Variants in GRIA4 observed in about 807,000 individuals in gnomAD.
The protein encoded by GRIA4 is glutamate receptor 4.
GRIA4 carries 34 observed loss-of-function variants against 104.0 expected under a neutral mutation model. The ratio of observed to expected loss-of-function variants is 0.33; its 90% confidence interval spans 0.25 to 0.44. The LOEUF is 0.44. GRIA4 is among the 20% of genes least tolerant of loss of function. The pLI is 1.00. For synonymous variants in GRIA4, 386 were observed against 381.9 expected, an observed-to-expected ratio of 1.01 and a Z score of -0.13; for missense variants, 750 against 1,096.5, an observed-to-expected ratio of 0.68 and a Z score of 4.46.
At chr11:105,957,020 G>T (rs1948607415) in intron 14 of GRIA4, among the ~76,000 whole-genome samples, 1 of 152,162 alleles carries the variant, frequency 6.6e-6, no homozygotes. Flanking sequence ...CCCTTTGTCA[G>T]ATGGGTAGAT....
At chr11:105,691,229 T>C (rs774780019) in intron 3 of GRIA4, among the ~76,000 whole-genome samples, 6 of 152,286 alleles carry the variant, frequency 3.9e-5, no homozygotes, top group African/African-American at 9.6e-5. Context: ...TATACTTCCA[T>C]AGGTAACAAC....
chr11:105,872,966 G>A (rs1383074480), intron 5 of GRIA4, among the ~76,000 whole-genome samples: 1 of 151,954 alleles, frequency 6.6e-6, no homozygotes, highest in Non-Finnish European at 1.5e-5. Context: ...GGATACATGT[G>A]CAGAATGTGC....
chr11:105,904,144 G>C (rs1270756502), intron 8 of GRIA4, among the ~76,000 whole-genome samples, 163 bp downstream of exon 8: 2 of 152,172 alleles, frequency 1.3e-5, no homozygotes, highest in African/African-American at 4.8e-5. Context: ...ATACAAGGTA[G>C]AATCTTGCTG....
chr11:105,628,086 T>TACACAC (rs569118742), intron 3 of GRIA4, among the ~76,000 whole-genome samples: 7 of 151,562 alleles, frequency 4.6e-5, no homozygotes, highest in African/African-American at 1.7e-4. Context: ...TGTGTATGTG[T>TACACAC]ACACACACAC....
At chr11:105,958,825 C>T (rs561086326) in intron 14 of GRIA4, among the ~76,000 whole-genome samples, 2 of 152,266 alleles carry the variant, frequency 1.3e-5, no homozygotes, top group African/African-American at 2.4e-5. Context: ...AATCCCTCAG[C>T]ATTTGCTTGT....
At chr11:105,937,749 A>T (rs1948081959) in intron 14 of GRIA4, among the ~76,000 whole-genome samples, 1 of 152,166 alleles carries the variant, frequency 6.6e-6, no homozygotes, top group South Asian at 2.1e-4. Flanking sequence ...AAGTAAAACA[A>T]ATGTTCTGTC....
intron 3 of GRIA4, among the ~76,000 whole-genome samples, chr11:105,699,306 T>G (rs1481853575): frequency 6.6e-6 from 1 of 152,154 alleles, no homozygotes; most frequent in Admixed American, 6.6e-5. Flanking sequence ...TTATTTGATT[T>G]CAAATATAAC....
rs1946306680 is a variant in GRIA4 at position 105,887,520 on chromosome 11, T to C, written c.674T>C (p.Ile225Thr). 3.0e-6 allele frequency: 4 copies of C among 1,351,902 alleles called. No individual in the cohort carries two copies. Among genetic ancestry groups the C allele is most frequent in the East Asian group, 4.8e-5 (2 of 41,908 alleles). The allele number at this position is 1,351,902 out of a possible 1,614,324, so 83.7% of individuals were successfully genotyped here. A position where few individuals can be genotyped will look rare whatever the true frequency, so the allele number is the denominator to read the frequency against. ...IERLQNILEQIVSVGKHVKGY... is the reference protein window; with the variant it reads ...IERLQNILEQTVSVGKHVKGY... ...TCTTATTTGCTTATATCTTCACAGA[T>C]TGTAAGTGTTGGAAAGCATGTTAAA... The change falls in exon 6 of 17, where the codon ATT (isoleucine) becomes ACT (threonine). Residue 225 changes from isoleucine (I) to threonine (T), a missense_variant and splice_region_variant. This residue lies in a region of GRIA4 where 410 missense variants were observed against 502.7 expected (regional missense o/e 0.82). Transcript: ENST00000282499.
intron 4 of GRIA4, among the ~76,000 whole-genome samples, chr11:105,802,564 A>T (rs909575126): frequency 4.6e-5 from 7 of 152,074 alleles, no homozygotes; most frequent in Admixed American, 6.6e-5. Flanking sequence ...TAACTATTAA[A>T]CTTCTCAGTC....
intron 3 of GRIA4, among the ~76,000 whole-genome samples, chr11:105,634,517 A>AAAGAAAGAAAGAAAG (rs1951150434): frequency 2.2e-5 from 1 of 45,004 alleles, no homozygotes; most frequent in Non-Finnish European, 6.1e-5. Context: ...AAGAAAGAAG[A>AAAGAAAGAAAGAAAG]AAGAAAGAAA....
At chr11:105,874,356 C>A (rs528693041) in intron 5 of GRIA4, among the ~76,000 whole-genome samples, 56 of 152,274 alleles carry the variant, frequency 3.7e-4, no homozygotes, top group Admixed American at 1.1e-3. Flanking sequence ...AGTGTGATGC[C>A]TCTGACTTTG....
intron 3 of GRIA4, among the ~76,000 whole-genome samples, chr11:105,631,282 T>G (rs1461065917): frequency 6.6e-6 from 1 of 152,140 alleles, no homozygotes; most frequent in Non-Finnish European, 1.5e-5. Context: ...ATAATGTACT[T>G]TAAAAGATGT....
chr11:105,769,420 A>C (rs1463959269), intron 4 of GRIA4, among the ~76,000 whole-genome samples: 6 of 152,044 alleles, frequency 3.9e-5, no homozygotes, highest in Admixed American at 3.9e-4. Context: ...CATAGAGAGA[A>C]CAGTGTACCC....
chr11:105,622,840 C>A (rs1591453516), intron 3 of GRIA4, among the ~76,000 whole-genome samples: 1 of 148,462 alleles, frequency 6.7e-6, no homozygotes, highest in African/African-American at 2.5e-5. Context: ...CCTCCTCTAA[C>A]CCCCCCATTA....
chr11:105,726,983 G>A (rs896350364), intron 3 of GRIA4, among the ~76,000 whole-genome samples: 4 of 151,922 alleles, frequency 2.6e-5, no homozygotes, highest in African/African-American at 4.8e-5. Context: ...CTTCTCCTCC[G>A]AAGAAACACA....
chr11:105,937,456 C>A lies in GRIA4; in HGVS notation c.2294+3487C>A, dbSNP rs187120865. On this transcript the variant is annotated intron_variant, in intron 14 of 16. Coordinates refer to ENST00000282499, the MANE Select transcript of GRIA4 (RefSeq NM_000829.4). ...TAAACCTGTTAAAGGTTCTTTGGAGCGAATCATCATTCGGTTGACATAGAT... is the reference window on the plus strand; with the variant it reads ...TAAACCTGTTAAAGGTTCTTTGGAGAGAATCATCATTCGGTTGACATAGAT... Among the ~76,000 whole-genome samples, 7 of 151,966 alleles carry A rather than the reference C, an allele frequency of 4.6e-5. No homozygotes were observed. The East Asian group carries it at 1.3e-3, about 29-fold the overall frequency.
intron 4 of GRIA4, among the ~76,000 whole-genome samples, chr11:105,857,288 A>G (rs1390091783): frequency 1.3e-5 from 2 of 152,188 alleles, no homozygotes; most frequent in Non-Finnish European, 2.9e-5. Flanking sequence ...TTAGACACAC[A>G]CAGACACACA....
At chr11:105,870,221 AATTT>A (rs1466218484) in intron 5 of GRIA4, among the ~76,000 whole-genome samples, 6 of 150,400 alleles carry the variant, frequency 4.0e-5, no homozygotes, top group African/African-American at 1.2e-4. Context: ...CTGTTTTTAT[AATTT>A]ATTCTAATTC....
At chr11:105,732,495 T>C (rs1218752085) in intron 3 of GRIA4, among the ~76,000 whole-genome samples, 1 of 152,082 alleles carries the variant, frequency 6.6e-6, no homozygotes. Context: ...TGGTCTGCTG[T>C]GGGTGCTGCT....
Sources: gnomAD v4.1 joint callset for allele counts (sites outside exome capture counted in the v4.1 genomes callset) on GRCh38, gnomAD v4.1.1 for gene constraint, gnomAD v4.1.1 regional missense constraint, MANE v1.5 for transcripts, NCBI Gene and HGNC (gene_info 2026-07-23, HGNC 2026-07-21) for gene names.